SLIT3: variants seen among roughly 807,000 people sequenced by gnomAD.
The protein encoded by SLIT3 is slit homolog 3 protein.
In SLIT3, 68 loss-of-function variants were observed where a neutral mutation model predicts 184.0. That is an observed-to-expected ratio of 0.37 (90% CI 0.30 to 0.45). The LOEUF (loss-of-function observed/expected upper bound fraction) is 0.45. Among genes scored for constraint, SLIT3 ranks in the 20% least tolerant of loss-of-function variants. The pLI is 1.00. For synonymous variants in SLIT3, 831 were observed against 828.6 expected, an observed-to-expected ratio of 1.00 and a Z score of -0.05; for missense variants, 1,707 against 2,026.0, an observed-to-expected ratio of 0.84 and a Z score of 3.02.
At chr5:169,017,334 T>G (rs565200210) in intron 4 of SLIT3, among the ~76,000 whole-genome samples, 1 of 152,272 alleles carries the variant, frequency 6.6e-6, no homozygotes, top group African/African-American at 2.4e-5. Context: ...GGACATCCCC[T>G]TCGACTCCTT....
intron 4 of SLIT3, among the ~76,000 whole-genome samples, chr5:169,125,640 C>A (rs797005224): frequency 2.6e-5 from 4 of 152,128 alleles, no homozygotes; most frequent in Admixed American, 2.0e-4. Context: ...CAGTGACAAA[C>A]GGCAGCTGGC....
intron 4 of SLIT3, among the ~76,000 whole-genome samples, chr5:168,993,317 A>G (rs975564161): frequency 6.6e-6 from 1 of 152,210 alleles, no homozygotes; most frequent in Non-Finnish European, 1.5e-5. Flanking sequence ...GGTCCGGAGG[A>G]GAGCACCCAC....
chr5:168,985,779 G>A (rs1301553483), intron 4 of SLIT3, among the ~76,000 whole-genome samples: 2 of 152,098 alleles, frequency 1.3e-5, no homozygotes, highest in African/African-American at 4.8e-5. Flanking sequence ...TGAGGAGAGG[G>A]CTCCTCTCTG....
intron 4 of SLIT3, among the ~76,000 whole-genome samples, chr5:168,937,831 G>A (rs1208549951): frequency 2.6e-5 from 4 of 151,970 alleles, no homozygotes; most frequent in Non-Finnish European, 2.9e-5. Flanking sequence ...AGCACAGCAC[G>A]TGGCAAAGAA....
chr5:168,979,726 C>A (rs1754887834), intron 4 of SLIT3, among the ~76,000 whole-genome samples: 1 of 152,198 alleles, frequency 6.6e-6, no homozygotes, highest in African/African-American at 2.4e-5. Context: ...TTTATCCCTT[C>A]TGGAAAATCC....
intron 4 of SLIT3, among the ~76,000 whole-genome samples, chr5:169,003,177 T>C (rs1277264449): frequency 6.6e-6 from 1 of 152,244 alleles, no homozygotes; most frequent in Admixed American, 6.5e-5. Context: ...CCTTTTTTCC[T>C]AGAATACTCA....
At chr5:168,897,386 G>C (rs1445760792) in intron 4 of SLIT3, among the ~76,000 whole-genome samples, 1 of 152,038 alleles carries the variant, frequency 6.6e-6, no homozygotes, top group African/African-American at 2.4e-5. Context: ...ATGAACGTGT[G>C]ATCCCTTTAA....
chr5:169,013,431 TG>T (rs1391897737), intron 4 of SLIT3: 2 of 152,214 alleles, frequency 1.3e-5, no homozygotes, highest in African/African-American at 2.4e-5. Flanking sequence ...AAACCTCTTC[TG>T]GGGGAAGCCG....
intron 4 of SLIT3, among the ~76,000 whole-genome samples, chr5:169,045,225 G>T (rs371362298): frequency 6.6e-6 from 1 of 152,054 alleles, no homozygotes. Context: ...GGGTTGGGAG[G>T]GGTGACTCCT....
intron 14 of SLIT3, among the ~76,000 whole-genome samples, chr5:168,763,612 G>A (rs1755234743): frequency 6.6e-6 from 1 of 152,274 alleles, no homozygotes; most frequent in East Asian, 1.9e-4. Context: ...GACCAACAAC[G>A]TGGTGTCTCT....
chr5:169,262,739 T>C (rs1395628586), intron 1 of SLIT3, among the ~76,000 whole-genome samples: 1 of 152,126 alleles, frequency 6.6e-6, no homozygotes, highest in African/African-American at 2.4e-5. Flanking sequence ...TTTAATTCTT[T>C]CTTCTTTATA....
At chr5:169,277,143 T>C (rs2080865) in intron 1 of SLIT3, among the ~76,000 whole-genome samples, 59,050 of 151,412 alleles carry the variant, frequency 0.39, 12,286 homozygotes, top group African/African-American at 0.55. Flanking sequence ...GGAAATATGC[T>C]GGACACTTCA....
At chr5:169,003,530 G>T (rs1300792067) in intron 4 of SLIT3, among the ~76,000 whole-genome samples, 2 of 152,224 alleles carry the variant, frequency 1.3e-5, no homozygotes, top group Non-Finnish European at 1.5e-5. Flanking sequence ...GGGCCAGAGT[G>T]GCCGTGAACA....
intron 3 of SLIT3, among the ~76,000 whole-genome samples, chr5:169,244,479 G>T (rs1765513159): frequency 6.6e-6 from 1 of 152,218 alleles, no homozygotes; most frequent in African/African-American, 2.4e-5. Context: ...AACAAGCCCT[G>T]AAAGCTGATT....
rs1294259175 is a variant in SLIT3 at position 169,255,486 on chromosome 5, A to C, written c.198-4027T>G. ...AGTTTAAAAAGTAAAAAAAGTTTATAAAATAAGCATACAAGGGAAGAAAAT... is the reference window on the plus strand; with the variant it reads ...AGTTTAAAAAGTAAAAAAAGTTTATCAAATAAGCATACAAGGGAAGAAAAT... On this transcript the variant is annotated intron_variant, in intron 1 of 35. Coordinates refer to ENST00000519560, the MANE Select transcript of SLIT3 (RefSeq NM_003062.4). Among the ~76,000 whole-genome samples, 3 of 152,364 alleles carry C rather than the reference A, an allele frequency of 2.0e-5. No individual in the cohort carries two copies. The East Asian group carries it at 5.8e-4, about 29-fold the overall frequency.
intron 29 of SLIT3, among the ~76,000 whole-genome samples, chr5:168,690,848 G>C: frequency 6.6e-6 from 1 of 152,138 alleles, no homozygotes; most frequent in East Asian, 1.9e-4. Flanking sequence ...ATCTAGGCTT[G>C]TGATGTGAAA....
At chr5:168,881,893 C>G (rs778136449) in intron 5 of SLIT3, among the ~76,000 whole-genome samples, 2 of 152,210 alleles carry the variant, frequency 1.3e-5, no homozygotes, top group African/African-American at 2.4e-5. Flanking sequence ...TGCTCCACCC[C>G]GCCCTCTCCT....
At chr5:169,213,515 T>C (rs10054326) in intron 3 of SLIT3, among the ~76,000 whole-genome samples, 47,416 of 152,026 alleles carry the variant, frequency 0.31, 8,369 homozygotes, top group East Asian at 0.69. Context: ...CATCATGCTA[T>C]CTGACTTCAA....
intron 4 of SLIT3, among the ~76,000 whole-genome samples, chr5:168,969,450 C>A (rs1189606204): frequency 2.6e-5 from 4 of 152,200 alleles, no homozygotes; most frequent in Admixed American, 2.6e-4. Flanking sequence ...TGGCCACAGG[C>A]GGTTCTGTTG....
Sources: gnomAD v4.1 joint callset for allele counts (sites outside exome capture counted in the v4.1 genomes callset) on GRCh38, gnomAD v4.1.1 for gene constraint, MANE v1.5 for transcripts, NCBI Gene and HGNC (gene_info 2026-07-23, HGNC 2026-07-21) for gene names.